The following CFAP44 variants were observed in gnomAD, a reference collection of about 807,000 sequenced individuals.
CFAP44 encodes cilia- and flagella-associated protein 44.
In CFAP44, 134 loss-of-function variants were observed where a neutral mutation model predicts 216.2. The ratio of observed to expected loss-of-function variants is 0.62; its 90% CI spans 0.54 to 0.72. The LOEUF (loss-of-function observed/expected upper bound fraction) is 0.72. Ranked by LOEUF, CFAP44 falls within the 30% of genes least tolerant of loss-of-function variation. The probability of loss-of-function intolerance (pLI) is 0.00; values close to 1 mark genes in which losing one functional copy is unlikely to be tolerated. For synonymous variants in CFAP44, 700 were observed against 727.6 expected (o/e 0.96, Z 0.61); for missense variants, 2,035 against 2,182.1 (o/e 0.93, Z 1.34).
chr3:113,325,885 T>C (rs1200841152), intron 28 of CFAP44, among the ~76,000 whole-genome samples: 4 of 152,122 alleles, frequency 2.6e-5, no homozygotes, highest in Non-Finnish European at 5.9e-5. Flanking sequence ...TAACAGAACC[T>C]AGAAATACAT....
At chr3:113,353,220 G>T (rs74917025) in intron 22 of CFAP44, among the ~76,000 whole-genome samples, 3,805 of 152,068 alleles carry the variant, frequency 0.025, 58 homozygotes, top group East Asian at 0.052. Flanking sequence ...CTCACAAAAC[G>T]TTGCCTGCTC....
chr3:113,421,754 A>G (rs1934821031), intron 4 of CFAP44, among the ~76,000 whole-genome samples: 1 of 145,548 alleles, frequency 6.9e-6, no homozygotes. Flanking sequence ...CAAATATTGC[A>G]TGTTCTCACT....
chr3:113,440,923 C>T (rs1342410329), intron 1 of CFAP44, among the ~76,000 whole-genome samples: 2 of 152,162 alleles, frequency 1.3e-5, no homozygotes, highest in Non-Finnish European at 2.9e-5. Flanking sequence ...CACATGTATG[C>T]GACTGTCTTT....
At chr3:113,318,323 TAAG>T (rs1950108581) in intron 28 of CFAP44, among the ~76,000 whole-genome samples, 1 of 151,994 alleles carries the variant, frequency 6.6e-6, no homozygotes. Flanking sequence ...CAGAATAGAC[TAAG>T]ATGAGGAAAG....
intron 23 of CFAP44, 32 bp downstream of exon 23, chr3:113,344,484 A>C: frequency 6.6e-7 from 1 of 1,516,116 alleles, no homozygotes; most frequent in Non-Finnish European, 8.8e-7. Context: ...CTTAGTAAAT[A>C]AGAATTTAAA....
intron 28 of CFAP44, among the ~76,000 whole-genome samples, chr3:113,321,151 C>T (rs1473132888): frequency 6.6e-6 from 1 of 152,108 alleles, no homozygotes; most frequent in East Asian, 1.9e-4. Context: ...AATCCAGCAG[C>T]ACATCAAAAA....
intron 2 of CFAP44, among the ~76,000 whole-genome samples, chr3:113,430,000 TACACCTATCAATACAGG>T (rs1478963947): frequency 6.6e-6 from 1 of 152,090 alleles, no homozygotes; most frequent in Non-Finnish European, 1.5e-5. Context: ...ATAAAACACT[TACACCTATCAATACAGG>T]ATACACATTC....
In CFAP44 at chr3:113,358,934, T is replaced by C. The variant is rs907383982; in HGVS notation, c.2935-59A>G. The C allele has an allele frequency of 2.6e-5, 38 of 1,487,494 alleles. No homozygotes were observed. The South Asian group carries it at 5.1e-4, about 20-fold the overall frequency. 92.1% of individuals were successfully genotyped at this position (1,487,494 alleles called of 1,614,324 possible). A position where few individuals can be genotyped will look rare whatever the true frequency, so the allele number is the denominator to read the frequency against. ...TACTGTATCAACTCTGTTTCATATA[T>C]TTCAGTTTTGTCCCCAGTTTCATGC... On this transcript the variant is annotated intron_variant, in intron 21 of 34. Coordinates refer to ENST00000393845, the MANE Select transcript of CFAP44 (RefSeq NM_001164496.2).
chr3:113,302,457 T>TAAAAAAAAAAAAAAAAAA (rs60866565), intron 32 of CFAP44, among the ~76,000 whole-genome samples: 46 of 75,796 alleles, frequency 6.1e-4, no homozygotes, highest in Middle Eastern at 8.3e-3. Context: ...CTAGACAAAG[T>TAAAAAAAAAAAAAAAAAA]AAAAAAAAAA....
intron 13 of CFAP44, 53 bp downstream of exon 13, chr3:113,399,853 A>G: frequency 8.2e-7 from 1 of 1,224,308 alleles, no homozygotes; most frequent in Non-Finnish European, 1.1e-6. Context: ...AATAGCATTG[A>G]TATACCATAT....
At chr3:113,412,100 G>A (rs1041766856) in intron 6 of CFAP44, among the ~76,000 whole-genome samples, 9 of 152,124 alleles carry the variant, frequency 5.9e-5, no homozygotes, top group African/African-American at 1.9e-4. Context: ...TTGAAAACTG[G>A]CACAAGACAG....
Position 113,303,489 on chromosome 3 carries a change from T to A in CFAP44, c.5077+427A>T, listed in dbSNP as rs375852916. Among the ~76,000 whole-genome samples, 20 of 152,272 alleles carry A rather than the reference T, an allele frequency of 1.3e-4. No individual in the cohort carries two copies. In the East Asian group the frequency reaches 3.7e-3, roughly 28 times the overall value. ...ATATCATTTTGCACAGTTAAAAATATGCAAGGTAGGTCTCCATATTGTGTG... is the reference window on the plus strand; with the variant it reads ...ATATCATTTTGCACAGTTAAAAATAAGCAAGGTAGGTCTCCATATTGTGTG... On this transcript the variant is annotated intron_variant, in intron 32 of 34. Transcript: ENST00000393845.
chr3:113,422,916 A>C (rs1468576355), intron 4 of CFAP44, among the ~76,000 whole-genome samples: 1 of 152,054 alleles, frequency 6.6e-6, no homozygotes, highest in Non-Finnish European at 1.5e-5. Flanking sequence ...TCAAACCCAG[A>C]ATGGATCAGA....
At chr3:113,399,877 C>G (rs775687743) in intron 13 of CFAP44, 29 bp downstream of exon 13, 12 of 1,452,080 alleles carry the variant, frequency 8.3e-6, no homozygotes, top group Non-Finnish European at 1.1e-5. Flanking sequence ...CCAATAGATT[C>G]TGGTAGTTCA....
chr3:113,331,431 A>G (rs1355504946), intron 25 of CFAP44, among the ~76,000 whole-genome samples: 1 of 152,150 alleles, frequency 6.6e-6, no homozygotes, highest in East Asian at 1.9e-4. Context: ...AAGGCCATTA[A>G]GAGTTACTTT....
At chr3:113,391,963 C>T (rs1933852272) in intron 15 of CFAP44, among the ~76,000 whole-genome samples, 1 of 152,028 alleles carries the variant, frequency 6.6e-6, no homozygotes, top group African/African-American at 2.4e-5. Context: ...TTAGTACAAC[C>T]ACTATGGAGA....
intron 6 of CFAP44, among the ~76,000 whole-genome samples, chr3:113,409,594 G>C (rs906229457): frequency 6.6e-6 from 1 of 152,044 alleles, no homozygotes; most frequent in Admixed American, 6.6e-5. Context: ...AAACACAAAC[G>C]CATATTAGAT....
intron 15 of CFAP44, among the ~76,000 whole-genome samples, chr3:113,384,206 C>A (rs1405827583): frequency 6.6e-6 from 1 of 151,950 alleles, no homozygotes; most frequent in Non-Finnish European, 1.5e-5. Flanking sequence ...CTGCAGGTGC[C>A]CGCCACCACG....
intron 22 of CFAP44, among the ~76,000 whole-genome samples, chr3:113,346,485 CT>C (rs1351430782): frequency 3.3e-5 from 5 of 152,028 alleles, no homozygotes; most frequent in Admixed American, 6.6e-5. Flanking sequence ...AATCAGCACT[CT>C]GTAAAAATGC....
Sources: allele counts gnomAD v4.1 joint callset (sites outside exome capture counted in the v4.1 genomes callset), GRCh38; gene constraint gnomAD v4.1.1; transcripts MANE v1.5; gene names NCBI Gene and HGNC (gene_info 2026-07-23, HGNC 2026-07-21).